TMEM229B: variants seen among roughly 807,000 people sequenced by gnomAD.
TMEM229B encodes the protein chromosome 14 open reading frame 83.
Under a neutral mutation model 13.7 loss-of-function variants are expected in TMEM229B, and 6 were observed. The ratio of observed to expected loss-of-function variants is 0.44; its 90% CI spans 0.24 to 0.86. The LOEUF (loss-of-function observed/expected upper bound fraction) is 0.86, where lower values mean the gene tolerates loss of function less well. Among genes scored for constraint, TMEM229B ranks in the 40% least tolerant of loss-of-function variants. The probability of loss-of-function intolerance (pLI) is 0.23; values close to 1 mark genes in which losing one functional copy is unlikely to be tolerated. For missense variants in TMEM229B, 170 were observed against 236.0 expected (o/e 0.72, Z 1.83); for synonymous variants, 107 against 102.1 (o/e 1.05, Z -0.29).
chr14:67,531,289 A>G (rs890933038), intron 1 of TMEM229B, among the ~76,000 whole-genome samples: 1 of 152,126 alleles, frequency 6.6e-6, no homozygotes, highest in Non-Finnish European at 1.5e-5. Context: ...TTAAAAGAAA[A>G]CAACAACAAC....
At chr14:67,529,210 C>T (rs1269319321) in intron 1 of TMEM229B, among the ~76,000 whole-genome samples, 1 of 152,110 alleles carries the variant, frequency 6.6e-6, no homozygotes, top group East Asian at 1.9e-4. Flanking sequence ...GAACACCTTC[C>T]CTCCCCTCCC....
At chr14:67,486,740 G>A (rs183901636) in intron 2 of TMEM229B, among the ~76,000 whole-genome samples, 56 of 152,214 alleles carry the variant, frequency 3.7e-4, no homozygotes, top group Non-Finnish European at 5.7e-4. Flanking sequence ...CCACTCTTAC[G>A]TATGTCTTTA....
intron 1 of TMEM229B, among the ~76,000 whole-genome samples, chr14:67,530,991 C>A (rs969921113): frequency 6.6e-6 from 1 of 152,224 alleles, no homozygotes; most frequent in African/African-American, 2.4e-5. Context: ...GTCCCCATCC[C>A]GGCCTCATCT....
intron 1 of TMEM229B, among the ~76,000 whole-genome samples, chr14:67,496,390 C>CTTTTT (rs1566688452): frequency 1.8e-4 from 5 of 27,630 alleles, no homozygotes; most frequent in Non-Finnish European, 3.4e-4. Context: ...ACTGCTCCGG[C>CTTTTT]GTTTTTTTTT....
At chr14:67,517,578 G>A (rs1232794360), upstream of TMEM229B, among the ~76,000 whole-genome samples, 2 of 152,130 alleles carry the variant, frequency 1.3e-5, no homozygotes, top group Non-Finnish European at 2.9e-5. Flanking sequence ...CAGAAAGAAG[G>A]GTTAAGATCT....
At chr14:67,477,090 T>C (rs1257414662) in intron 2 of TMEM229B, among the ~76,000 whole-genome samples, 1 of 151,296 alleles carries the variant, frequency 6.6e-6, no homozygotes, top group Non-Finnish European at 1.5e-5. Flanking sequence ...CGCTTGAACC[T>C]GGGAGGTGGA....
chr14:67,524,834 T>C (rs1190352347), intron 1 of TMEM229B, among the ~76,000 whole-genome samples: 1 of 152,200 alleles, frequency 6.6e-6, no homozygotes, highest in Non-Finnish European at 1.5e-5. Flanking sequence ...CCCTCTGATC[T>C]GAACAGTGAT....
rs1358767732 is a variant in TMEM229B, at chr14:67,472,299, G to C, written c.*1121C>G. The C allele has an allele frequency of 6.6e-6, 1 of 152,264 alleles. No individual in the cohort carries two copies. The highest frequency in any genetic ancestry group is 1.5e-5 in the Non-Finnish European group (1 of 68,088). The allele number at this position is 152,264 out of a possible 1,614,324, so 9.4% of individuals were successfully genotyped here. A position where few individuals can be genotyped will look rare whatever the true frequency, so the allele number is the denominator to read the frequency against. ...ATCAGTCTCCAATGCTGGATACCTG[G>C]CTTCTCCATCCCATAGAAAGCTAGA... On this transcript the variant is annotated 3_prime_UTR_variant, in exon 3 of 3. Transcript: ENST00000554480.
At chr14:67,502,823 AC>A (rs1169848319) in intron 1 of TMEM229B, among the ~76,000 whole-genome samples, 4 of 152,270 alleles carry the variant, frequency 2.6e-5, no homozygotes, top group Middle Eastern at 6.8e-3. Flanking sequence ...CCAGCAGCCA[AC>A]CAACCAACTT....
intron 2 of TMEM229B, among the ~76,000 whole-genome samples, chr14:67,481,556 G>C (rs979783212): frequency 1.3e-5 from 2 of 152,216 alleles, no homozygotes; most frequent in Non-Finnish European, 2.9e-5. Context: ...ATTGGCTGAG[G>C]TGGCAGCTCC....
chr14:67,529,274 T>A (rs1454270196), intron 1 of TMEM229B, among the ~76,000 whole-genome samples: 2 of 152,124 alleles, frequency 1.3e-5, no homozygotes. Flanking sequence ...ACTGAACAGA[T>A]TATTTGCAGT....
At chr14:67,510,677 G>A (rs987619764) in intron 1 of TMEM229B, among the ~76,000 whole-genome samples, 1 of 152,214 alleles carries the variant, frequency 6.6e-6, no homozygotes, top group Non-Finnish European at 1.5e-5. Context: ...TAAGACCAAT[G>A]CTCTGGCTGC....
At chr14:67,480,986 G>A (rs2031550258) in intron 2 of TMEM229B, among the ~76,000 whole-genome samples, 1 of 152,192 alleles carries the variant, frequency 6.6e-6, no homozygotes, top group African/African-American at 2.4e-5. Context: ...AACCTAGGGT[G>A]AGAGACAGGA....
At chr14:67,506,801 TGGTG>T (rs2032844590) in intron 1 of TMEM229B, among the ~76,000 whole-genome samples, 1 of 152,110 alleles carries the variant, frequency 6.6e-6, no homozygotes, top group Non-Finnish European at 1.5e-5. Context: ...CTGGCCAACG[TGGTG>T]AAACTCCATC....
chr14:67,524,760 T>C (rs527487621), intron 1 of TMEM229B, among the ~76,000 whole-genome samples: 83 of 152,294 alleles, frequency 5.4e-4, no homozygotes, highest in African/African-American at 1.9e-3. Flanking sequence ...AATGCTGTTG[T>C]GGTCACAGTG....
At chr14:67,482,584 C>T (rs2031648491) in intron 2 of TMEM229B, among the ~76,000 whole-genome samples, 1 of 152,212 alleles carries the variant, frequency 6.6e-6, no homozygotes, top group Non-Finnish European at 1.5e-5. Context: ...TTCTAGGAGA[C>T]CCCTGAGGCA....
chr14:67,516,985 C>A (rs1165682775), upstream of TMEM229B, among the ~76,000 whole-genome samples: 1 of 152,166 alleles, frequency 6.6e-6, no homozygotes, highest in Admixed American at 6.5e-5. Flanking sequence ...CCAAGGACAT[C>A]ATGCATATAA....
At chr14:67,494,890 T>C (rs191872092) in intron 1 of TMEM229B, among the ~76,000 whole-genome samples, 4 of 152,266 alleles carry the variant, frequency 2.6e-5, no homozygotes, top group Admixed American at 2.6e-4. Context: ...GGTGGGAAGA[T>C]TGCTTGAAGT....
chr14:67,533,415 C>G (rs910228400), intron 1 of TMEM229B: 2 of 151,892 alleles, frequency 1.3e-5, no homozygotes, highest in South Asian at 2.1e-4. Flanking sequence ...GACCCGCGCT[C>G]CCGCCGCTGT....
Sources: allele counts gnomAD v4.1 joint callset (sites outside exome capture counted in the v4.1 genomes callset), GRCh38; gene constraint gnomAD v4.1.1; transcripts MANE v1.5; gene names NCBI Gene and HGNC (gene_info 2026-07-23, HGNC 2026-07-21).